The following EYA4 variants were observed in gnomAD, a reference collection of about 807,000 sequenced individuals.
EYA4 encodes protein phosphatase EYA4.
In EYA4, 31 loss-of-function variants were observed where a neutral mutation model predicts 87.9. The ratio of observed to expected loss-of-function variants is 0.35; its 90% confidence interval spans 0.27 to 0.48. The LOEUF is 0.48. Among genes scored for constraint, EYA4 ranks in the 20% least tolerant of loss-of-function variants. EYA4 has a pLI of 0.99. For synonymous variants in EYA4, 263 were observed against 270.6 expected, an observed-to-expected ratio of 0.97 and a Z score of 0.28; for missense variants, 678 against 761.4, an observed-to-expected ratio of 0.89 and a Z score of 1.29.
chr6:133,489,667 A>G (rs1796975508), intron 13 of EYA4, among the ~76,000 whole-genome samples: 1 of 152,292 alleles, frequency 6.6e-6, no homozygotes, highest in Non-Finnish European at 1.5e-5. Context: ...TCCAGTGACA[A>G]TATCCTTCAA....
intron 3 of EYA4, among the ~76,000 whole-genome samples, chr6:133,411,806 A>G (rs1789265127): frequency 6.6e-6 from 1 of 152,232 alleles, no homozygotes; most frequent in Non-Finnish European, 1.5e-5. Context: ...ATATTTGTGC[A>G]TAAATCTTCT....
chr6:133,413,355 A>G (rs994086032), intron 3 of EYA4, among the ~76,000 whole-genome samples: 8 of 146,222 alleles, frequency 5.5e-5, no homozygotes, highest in South Asian at 4.6e-4. Flanking sequence ...TAAATGGCCA[A>G]TTCTCTCTAT....
chr6:133,274,870 A>T, intron 2 of EYA4, 57 bp downstream of exon 2: 1 of 1,284,624 alleles, frequency 7.8e-7, no homozygotes, highest in Non-Finnish European at 1.1e-6. Flanking sequence ...ACTGAAAATC[A>T]TACGTAAAAG....
chr6:133,327,497 A>G (rs1196526407), intron 2 of EYA4, among the ~76,000 whole-genome samples: 1 of 152,204 alleles, frequency 6.6e-6, no homozygotes, highest in East Asian at 1.9e-4. Context: ...AATTAAAGCC[A>G]TATAAAAGGA....
chr6:133,364,105 C>T (rs1366623980), intron 2 of EYA4, among the ~76,000 whole-genome samples: 1 of 152,196 alleles, frequency 6.6e-6, no homozygotes, highest in Non-Finnish European at 1.5e-5. Flanking sequence ...TTTCTGTGCT[C>T]AGTGTTCACA....
intron 2 of EYA4, among the ~76,000 whole-genome samples, chr6:133,290,934 T>C (rs1261635039): frequency 6.6e-6 from 1 of 152,222 alleles, no homozygotes; most frequent in African/African-American, 2.4e-5. Flanking sequence ...GAGTTATTAC[T>C]ATATATAAAG....
In EYA4 at chr6:133,462,437, C is replaced by T. The variant is rs1409090191; in HGVS notation, c.540C>T (p.Ala180=). ...SGMQQPAVYT[A]YSQTGQPYSL... ...TGCAGCAGCCAGCCGTCTACACAGC[C>T]TACTCACAGACAGGACAGCCCTACA... The change falls in exon 8 of 20, where the codon GCC becomes GCT. Residue 180 remains alanine (A), a synonymous_variant. Transcript: ENST00000355286. 3 of 1,613,944 alleles carry T rather than the reference C, an allele frequency of 1.9e-6. No individual in the cohort carries two copies. The highest frequency in any genetic ancestry group is 2.7e-5 in the African/African-American group (2 of 74,920).
intron 1 of EYA4, among the ~76,000 whole-genome samples, chr6:133,252,448 A>G (rs192943753): frequency 6.6e-5 from 10 of 152,342 alleles, no homozygotes; most frequent in Admixed American, 5.2e-4. Context: ...GTGAATTCTC[A>G]GATCCAAACT....
intron 1 of EYA4, among the ~76,000 whole-genome samples, chr6:133,244,887 C>T (rs891235691): frequency 2.0e-5 from 3 of 151,992 alleles, no homozygotes; most frequent in South Asian, 4.1e-4. Flanking sequence ...GACAGAAAGA[C>T]GATGACTATT....
intron 3 of EYA4, among the ~76,000 whole-genome samples, chr6:133,388,763 A>G (rs1786993461): frequency 6.6e-6 from 1 of 152,240 alleles, no homozygotes; most frequent in Non-Finnish European, 1.5e-5. Context: ...AGGGCCTCAC[A>G]GTGGCATTTC....
At chr6:133,478,699 A>C (rs1445435732) in intron 11 of EYA4, among the ~76,000 whole-genome samples, 1 of 152,176 alleles carries the variant, frequency 6.6e-6, no homozygotes, top group East Asian at 1.9e-4. Context: ...CCAAATTCTT[A>C]GAGCCCTTTT....
At chr6:133,261,955 G>GATCATACATTT (rs1775829053) in intron 1 of EYA4, among the ~76,000 whole-genome samples, 1 of 152,148 alleles carries the variant, frequency 6.6e-6, no homozygotes, top group South Asian at 2.1e-4. Context: ...GCTTTTCCAA[G>GATCATACATTT]ATCATACATT....
chr6:133,488,578 A>G (rs1159503120), intron 13 of EYA4, among the ~76,000 whole-genome samples: 1 of 152,162 alleles, frequency 6.6e-6, no homozygotes, highest in Non-Finnish European at 1.5e-5. Context: ...TTTGGGAGAA[A>G]GTAAGGGAAT....
chr6:133,448,048 G>A, intron 4 of EYA4, 63 bp from the exon 5 acceptor site: 2 of 1,257,330 alleles, frequency 1.6e-6, no homozygotes, highest in Non-Finnish European at 2.3e-6. Context: ...AAGCATTGAA[G>A]ATTATTCATA....
intron 13 of EYA4, among the ~76,000 whole-genome samples, chr6:133,483,534 GATT>G (rs1796410907): frequency 6.6e-6 from 1 of 151,738 alleles, no homozygotes; most frequent in Admixed American, 6.6e-5. Flanking sequence ...AGATCTTTTG[GATT>G]TATGAATGAG....
intron 2 of EYA4, among the ~76,000 whole-genome samples, chr6:133,352,709 G>A (rs1378085918): frequency 6.6e-6 from 1 of 152,118 alleles, no homozygotes; most frequent in Non-Finnish European, 1.5e-5. Flanking sequence ...ATATCCAGCT[G>A]ACTTAACTTA....
intron 2 of EYA4, among the ~76,000 whole-genome samples, chr6:133,290,172 C>T (rs1220755398): frequency 6.6e-6 from 1 of 152,122 alleles, no homozygotes; most frequent in Admixed American, 6.5e-5. Flanking sequence ...ATGAGGTGAG[C>T]TCTATCTCCC....
chr6:133,290,816 G>T (rs905073228), intron 2 of EYA4, among the ~76,000 whole-genome samples: 2 of 152,136 alleles, frequency 1.3e-5, no homozygotes, highest in Non-Finnish European at 2.9e-5. Flanking sequence ...TTGAAATGAG[G>T]TTTTTTGATT....
In EYA4 at chr6:133,468,866, C is replaced by T. The variant is rs891492234; in HGVS notation, c.970+135C>T. 3 of 884,048 alleles carry T rather than the reference C, an allele frequency of 3.4e-6. No homozygotes were observed. The African/African-American group carries it at 4.9e-5, about 15-fold the overall frequency. 54.8% of individuals were successfully genotyped at this position (884,048 alleles called of 1,614,324 possible). On this transcript the variant is annotated intron_variant, in intron 11 of 19. Coordinates refer to ENST00000355286, the MANE Select transcript of EYA4 (RefSeq NM_004100.5). ...TGATGTTTAATCTGTGTTAGCATGACTGTGTAAGACGAGGCTCTTCTGGCA... is the reference window on the plus strand; with the variant it reads ...TGATGTTTAATCTGTGTTAGCATGATTGTGTAAGACGAGGCTCTTCTGGCA...
Sources: gnomAD v4.1 joint callset for allele counts (sites outside exome capture counted in the v4.1 genomes callset) on GRCh38, gnomAD v4.1.1 for gene constraint, MANE v1.5 for transcripts, NCBI Gene and HGNC (gene_info 2026-07-23, HGNC 2026-07-21) for gene names.